ADAMTS3: variants seen among roughly 807,000 people sequenced by gnomAD.
ADAMTS3 encodes A disintegrin and metalloproteinase with thrombospondin motifs 3.
A neutral mutation model predicts 129.0 loss-of-function variants in ADAMTS3; 73 were observed. The observed-to-expected ratio is 0.57, with a 90% CI of 0.47 to 0.69. The LOEUF (loss-of-function observed/expected upper bound fraction) is 0.69, where lower values mean the gene tolerates loss of function less well. Ranked by LOEUF, ADAMTS3 falls within the 30% of genes least tolerant of loss-of-function variation. ADAMTS3 has a pLI of 0.00. For missense variants in ADAMTS3, 1,457 were observed against 1,514.5 expected, an observed-to-expected ratio of 0.96 and a Z score of 0.63; for synonymous variants, 477 against 510.8, an observed-to-expected ratio of 0.93 and a Z score of 0.89.
At chr4:72,424,156 A>G (rs1419130483) in intron 3 of ADAMTS3, among the ~76,000 whole-genome samples, 1 of 152,176 alleles carries the variant, frequency 6.6e-6, no homozygotes, top group Non-Finnish European at 1.5e-5. Context: ...ATTTCATTCA[A>G]TAATAACCCT....
intron 4 of ADAMTS3, among the ~76,000 whole-genome samples, chr4:72,391,989 CTCTT>C (rs1721607035): frequency 6.6e-6 from 1 of 152,212 alleles, no homozygotes; most frequent in South Asian, 2.1e-4. Flanking sequence ...TGTACTTTTA[CTCTT>C]TCTCTTAAAA....
intron 3 of ADAMTS3, among the ~76,000 whole-genome samples, chr4:72,437,520 A>C (rs1240050229): frequency 6.6e-6 from 1 of 151,780 alleles, no homozygotes; most frequent in Non-Finnish European, 1.5e-5. Flanking sequence ...GCATGATCAT[A>C]GTCCTATTTC....
intron 4 of ADAMTS3, among the ~76,000 whole-genome samples, chr4:72,408,533 T>C (rs775871134): frequency 1.3e-5 from 2 of 151,890 alleles, no homozygotes; most frequent in Non-Finnish European, 2.9e-5. Context: ...GACAGGAAAA[T>C]AAATGACATC....
chr4:72,419,654 G>A (rs1048062000), intron 3 of ADAMTS3, among the ~76,000 whole-genome samples: 3 of 152,144 alleles, frequency 2.0e-5, no homozygotes, highest in African/African-American at 4.8e-5. Flanking sequence ...GTTAGTATGA[G>A]TGTATTTTAT....
At chr4:72,514,921 G>T (rs1720418991) in intron 3 of ADAMTS3, among the ~76,000 whole-genome samples, 1 of 151,730 alleles carries the variant, frequency 6.6e-6, no homozygotes, top group African/African-American at 2.4e-5. Context: ...TGCCATGCTG[G>T]TGTGCTGCAC....
intron 5 of ADAMTS3, 49 bp downstream of exon 5, chr4:72,339,445 A>G (rs1720074420): frequency 1.3e-6 from 2 of 1,581,316 alleles, no homozygotes; most frequent in Admixed American, 1.7e-5. Flanking sequence ...AACAAATAAG[A>G]GAAGTGAATT....
intron 3 of ADAMTS3, among the ~76,000 whole-genome samples, chr4:72,541,261 A>G (rs546892903): frequency 3.3e-5 from 5 of 152,296 alleles, no homozygotes; most frequent in African/African-American, 1.2e-4. Context: ...TCGAACTTGC[A>G]TGGGCCCTGT....
intron 3 of ADAMTS3, among the ~76,000 whole-genome samples, chr4:72,452,096 T>C (rs1718423256): frequency 6.6e-6 from 1 of 151,562 alleles, no homozygotes; most frequent in Admixed American, 6.6e-5. Context: ...TTTCAAACAA[T>C]AACAACAACA....
At chr4:72,406,015 A>G (rs1439511142) in intron 4 of ADAMTS3, among the ~76,000 whole-genome samples, 3 of 151,998 alleles carry the variant, frequency 2.0e-5, no homozygotes, top group Non-Finnish European at 4.4e-5. Context: ...AGAAGCTGTG[A>G]CTCCCCACAA....
intron 3 of ADAMTS3, among the ~76,000 whole-genome samples, chr4:72,530,617 AAT>A (rs1406762110): frequency 8.0e-5 from 7 of 87,088 alleles, no homozygotes; most frequent in Non-Finnish European, 1.2e-4. Context: ...TATATTATAT[AAT>A]ATATATTATT....
intron 4 of ADAMTS3, among the ~76,000 whole-genome samples, chr4:72,406,494 C>G (rs958803894): frequency 6.6e-6 from 1 of 152,090 alleles, no homozygotes; most frequent in Non-Finnish European, 1.5e-5. Context: ...ATTTTGTAGT[C>G]TCTACTACTT....
rs537307404 is a variant in ADAMTS3, at chr4:72,384,112, T to C, written c.661+30703A>G. On this transcript the variant is annotated intron_variant, in intron 4 of 21. Coordinates refer to ENST00000286657, the MANE Select transcript of ADAMTS3 (RefSeq NM_014243.3). ...CTGGGAAATCAATAAACAGAAAATA[T>C]CCAAAAAGAAGAAAGAGAAAACAGT... Among the ~76,000 whole-genome samples, 19 of 151,764 alleles carry C rather than the reference T, an allele frequency of 1.3e-4. No individual in the cohort carries two copies. The South Asian group carries it at 3.9e-3, about 32-fold the overall frequency.
At chr4:72,301,181 A>G (rs1402939988) in intron 17 of ADAMTS3, among the ~76,000 whole-genome samples, 5 of 152,234 alleles carry the variant, frequency 3.3e-5, no homozygotes, top group South Asian at 2.1e-4. Flanking sequence ...ACTCTAAAAC[A>G]GTTACCAAAA....
Position 72,507,287 on chromosome 4 carries a change from G to A in ADAMTS3, c.504+41191C>T, listed in dbSNP as rs75260976. Among the ~76,000 whole-genome samples, 1,664 of 151,850 alleles carry A rather than the reference G, an allele frequency of 0.011. 115 individuals carry two copies. In the East Asian group the frequency reaches 0.2, roughly 18 times the overall value. On this transcript the variant is annotated intron_variant, in intron 3 of 21. Coordinates refer to ENST00000286657, the MANE Select transcript of ADAMTS3 (RefSeq NM_014243.3). ...GACAACCACACCTTATGCCTCTTTC[G>A]GAGGGCAACCCCTGCTGAGTCTCAG...
intron 2 of ADAMTS3, 60 bp from the exon 3 acceptor site, chr4:72,548,944 AAC>A: frequency 6.6e-7 from 1 of 1,506,276 alleles, no homozygotes; most frequent in Non-Finnish European, 8.9e-7. Flanking sequence ...AGGAGAACAT[AAC>A]ACAGACAAAA....
At chr4:72,481,447 G>T (rs1437630518) in intron 3 of ADAMTS3, among the ~76,000 whole-genome samples, 2 of 152,082 alleles carry the variant, frequency 1.3e-5, no homozygotes, top group East Asian at 1.9e-4. Context: ...TTCAATAAAA[G>T]AAAGAGAGCT....
At chr4:72,349,798 TC>T (rs1720380679) in intron 4 of ADAMTS3, among the ~76,000 whole-genome samples, 1 of 152,026 alleles carries the variant, frequency 6.6e-6, no homozygotes, top group Non-Finnish European at 1.5e-5. Flanking sequence ...GAAGAAGAGT[TC>T]CAAACATGGA....
At position 72,555,019 on chromosome 4, in the gene ADAMTS3, T is replaced by C. The variant is rs562902151; in HGVS notation, c.98-6135A>G. ...TGGCACATAGTAAATATTCAATAAA[T>C]GCTGGCAATTAATGTCACTACATTA... is the stretch of plus-strand genomic sequence containing the variant. On this transcript the variant is annotated intron_variant, in intron 2 of 21. Coordinates refer to ENST00000286657, the MANE Select transcript of ADAMTS3 (RefSeq NM_014243.3). 2.6e-5 allele frequency among the ~76,000 whole-genome samples: 4 copies of C among 151,940 alleles called. No homozygotes were observed. The East Asian group carries it at 7.7e-4, about 29-fold the overall frequency.
chr4:72,282,364 T>TAAG lies in ADAMTS3; in HGVS notation c.*769_*771dup. 1 of 152,352 alleles carries TAAG rather than the reference T, an allele frequency of 6.6e-6. No homozygotes were observed. Among genetic ancestry groups the TAAG allele is most frequent in the African/African-American group, 2.4e-5 (1 of 41,590 alleles). The allele number at this position is 152,352 out of a possible 1,614,324, so 9.4% of individuals were successfully genotyped here. On this transcript the variant is annotated 3_prime_UTR_variant, in exon 22 of 22. Coordinates refer to ENST00000286657, the MANE Select transcript of ADAMTS3 (RefSeq NM_014243.3). ...ACTAAGACACCAATCCTTTAAATTA[T>TAAG]AAGTATAGAAGGCAATAGGTAAGCT... is the stretch of plus-strand genomic sequence containing the variant.
Sources: allele counts gnomAD v4.1 joint callset (sites outside exome capture counted in the v4.1 genomes callset), GRCh38; gene constraint gnomAD v4.1.1; transcripts MANE v1.5; gene names NCBI Gene and HGNC (gene_info 2026-07-23, HGNC 2026-07-21).